PCLO: variants seen among roughly 807,000 people sequenced by gnomAD.
The protein encoded by PCLO is protein piccolo.
PCLO carries 82 observed loss-of-function variants against 427.5 expected under a neutral mutation model. That is an observed-to-expected ratio of 0.19 (90% CI 0.16 to 0.23). PCLO has a LOEUF of 0.23. Among genes scored for constraint, PCLO ranks in the 10% least tolerant of loss-of-function variants. PCLO has a pLI of 1.00. For missense variants in PCLO, 6,239 were observed against 6,115.9 expected, an observed-to-expected ratio of 1.02 and a Z score of -0.67; for synonymous variants, 2,357 against 2,155.4, an observed-to-expected ratio of 1.09 and a Z score of -2.59.
At chr7:83,084,752 A>G (rs1790187808) in intron 3 of PCLO, among the ~76,000 whole-genome samples, 1 of 152,162 alleles carries the variant, frequency 6.6e-6, no homozygotes. Flanking sequence ...AGATTTGTAC[A>G]CATCTTCTTC....
At chr7:82,826,904 TCTTA>T (rs1791959393) in intron 17 of PCLO, among the ~76,000 whole-genome samples, 2 of 151,996 alleles carry the variant, frequency 1.3e-5, no homozygotes, top group Non-Finnish European at 2.9e-5. Context: ...AAATGATAAT[TCTTA>T]CTTATTTATT....
In PCLO at chr7:82,950,036, C is replaced by T. The variant is rs777376053; in HGVS notation, c.10552G>A (p.Val3518Ile). 1.2e-5 allele frequency: 20 copies of T among 1,612,874 alleles called. No homozygotes were observed. In the African/African-American group the frequency reaches 2.0e-4, roughly 16 times the overall value. The part of the protein sequence containing the change: ...KPLSKVSSIA[V>I]QTVAEISVQT... ...ACAGATATCTCTGCTACCGTTTGAA[C>T]TGCTATGCTGGAGACTTTGGAAAGG... The change falls in exon 6 of 25, where the codon GTT becomes ATT. Residue 3518 changes from valine to isoleucine, a missense_variant. Transcript: ENST00000333891.
chr7:82,805,565 C>T, intron 21 of PCLO, 123 bp downstream of exon 21: 1 of 839,844 alleles, frequency 1.2e-6, no homozygotes, highest in Middle Eastern at 2.7e-4. Flanking sequence ...ATTAACAGTT[C>T]AAGTGTCTCA....
chr7:82,998,702 C>A lies in PCLO; in HGVS notation c.3301-32215G>T, dbSNP rs563254067. 2.0e-5 allele frequency among the ~76,000 whole-genome samples: 3 copies of A among 151,962 alleles called. 1 individual carries two copies. Among genetic ancestry groups the A allele is most frequent in the Admixed American group, 6.6e-5 (1 of 15,184 alleles). On this transcript the variant is annotated intron_variant, in intron 3 of 24. Transcript: ENST00000333891. ...GCTTTCTCTGCCCCACACCTTACCACCACATTACTAAAGGCCTATTTACAG... is the reference window on the plus strand; with the variant it reads ...GCTTTCTCTGCCCCACACCTTACCAACACATTACTAAAGGCCTATTTACAG...
chr7:82,840,965 TTTC>T (rs1309808760), intron 14 of PCLO, among the ~76,000 whole-genome samples: 1 of 151,530 alleles, frequency 6.6e-6, no homozygotes, highest in Non-Finnish European at 1.5e-5. Context: ...TTTATATATT[TTTC>T]TTTATCTATT....
chr7:83,135,075 T>C lies in PCLO; in HGVS notation c.2475A>G (p.Ala825=), dbSNP rs747515869. ...GATGTGAAATAATTTTTGAATCTGA[T>C]GCAGGTCGAGGTATGGCTTTAGAAT... The part of the protein sequence containing the change: ...PFDSKAIPRP[A]SDSKIISHPG... Residue 825 remains alanine (A), a synonymous_variant, in exon 3 of 25, where the codon GCA becomes GCG. Coordinates refer to ENST00000333891, the MANE Select transcript of PCLO (RefSeq NM_033026.6). 1.2e-6 allele frequency: 2 copies of C among 1,613,974 alleles called. No individual in the cohort carries two copies. Among genetic ancestry groups the C allele is most frequent in the Admixed American group, 3.3e-5 (2 of 60,026 alleles).
chr7:82,999,739 TATA>T (rs1787759676), intron 3 of PCLO, among the ~76,000 whole-genome samples: 1 of 105,806 alleles, frequency 9.5e-6, no homozygotes, highest in African/African-American at 3.3e-5. Context: ...AAATATAAAA[TATA>T]ATATATAATA....
chr7:82,896,585 C>T (rs146407320), intron 9 of PCLO, among the ~76,000 whole-genome samples: 1 of 151,404 alleles, frequency 6.6e-6, no homozygotes, highest in African/African-American at 2.4e-5. Context: ...TTGCACAAGT[C>T]CATAAATGTA....
At chr7:82,910,728 C>T (rs1424420448) in intron 7 of PCLO, among the ~76,000 whole-genome samples, 2 of 152,130 alleles carry the variant, frequency 1.3e-5, no homozygotes, top group African/African-American at 2.4e-5. Flanking sequence ...CTCACTGATG[C>T]AGATATTTTT....
intron 3 of PCLO, among the ~76,000 whole-genome samples, chr7:83,048,431 C>A (rs1006856326): frequency 1.8e-4 from 27 of 151,968 alleles, no homozygotes; most frequent in African/African-American, 6.5e-4. Context: ...TGAATTAGAT[C>A]ATATTTCAGG....
intron 3 of PCLO, among the ~76,000 whole-genome samples, chr7:83,026,253 G>C (rs1000411251): frequency 2.6e-5 from 4 of 152,130 alleles, no homozygotes; most frequent in Admixed American, 2.6e-4. Context: ...TAAAAGGATG[G>C]AGGAAGATCC....
intron 22 of PCLO, among the ~76,000 whole-genome samples, chr7:82,774,545 A>T (rs1790710327): frequency 1.3e-5 from 2 of 152,266 alleles, no homozygotes; most frequent in African/African-American, 4.8e-5. Flanking sequence ...TGGTTATTTT[A>T]TATGTTAATT....
At position 83,097,229 on chromosome 7, in the gene PCLO, T is replaced by C. The variant is rs564516179; in HGVS notation, c.3300+37021A>G. On this transcript the variant is annotated intron_variant, in intron 3 of 24. Transcript: ENST00000333891. ...AATTATATAAATCTTTTTTATTATA[T>C]AAAAATATTTCGGCCAGGCACAGTG... 1.8e-3 allele frequency among the ~76,000 whole-genome samples: 233 copies of C among 132,854 alleles called. 1 individual carries two copies. Among genetic ancestry groups the C allele is most frequent in the Middle Eastern group, 3.7e-3 (1 of 268 alleles). 87.2% of individuals were successfully genotyped at this position (132,854 alleles called of 152,430 possible). A position where few individuals can be genotyped will look rare whatever the true frequency, so the allele number is the denominator to read the frequency against.
intron 10 of PCLO, among the ~76,000 whole-genome samples, chr7:82,867,264 T>C (rs1793118893): frequency 6.6e-6 from 1 of 152,132 alleles, no homozygotes; most frequent in African/African-American, 2.4e-5. Context: ...TTAGCATATG[T>C]GGTAGTGCAT....
At chr7:83,128,605 A>T (rs1253813103) in intron 3 of PCLO, among the ~76,000 whole-genome samples, 1 of 152,174 alleles carries the variant, frequency 6.6e-6, no homozygotes, top group Non-Finnish European at 1.5e-5. Context: ...TGGGAATGTA[A>T]CAAAAAAAAG....
intron 3 of PCLO, among the ~76,000 whole-genome samples, chr7:83,035,971 AT>A: frequency 6.6e-6 from 1 of 152,206 alleles, no homozygotes; most frequent in Non-Finnish European, 1.5e-5. Flanking sequence ...AATCCAAAAT[AT>A]TTTTATTTGA....
At chr7:82,951,634 A>T (rs974733607) in intron 5 of PCLO, 144 bp from the exon 6 acceptor site, 5 of 863,250 alleles carry the variant, frequency 5.8e-6, no homozygotes, top group Non-Finnish European at 8.7e-6. Flanking sequence ...GAATGAAAGC[A>T]ATGTTGAACA....
intron 3 of PCLO, among the ~76,000 whole-genome samples, chr7:83,121,009 G>T (rs948413724): frequency 3.9e-5 from 6 of 152,080 alleles, no homozygotes; most frequent in Non-Finnish European, 8.8e-5. Flanking sequence ...CTTAACAAAA[G>T]TAACTATAAA....
At chr7:83,161,824 TCTAC>T (rs1377015718) in intron 1 of PCLO, among the ~76,000 whole-genome samples, 1 of 152,162 alleles carries the variant, frequency 6.6e-6, no homozygotes, top group Admixed American at 6.5e-5. Flanking sequence ...TTCTATTCCT[TCTAC>T]CTAAACAGCT....
Sources: gnomAD v4.1 joint callset for allele counts (sites outside exome capture counted in the v4.1 genomes callset) on GRCh38, gnomAD v4.1.1 for gene constraint, MANE v1.5 for transcripts, NCBI Gene and HGNC (gene_info 2026-07-23, HGNC 2026-07-21) for gene names.